Variants in OPCML observed in about 807,000 individuals in gnomAD.
OPCML encodes opioid-binding protein/cell adhesion molecule.
A neutral mutation model predicts 37.8 loss-of-function variants in OPCML; 13 were observed. That is an observed-to-expected ratio of 0.34 (90% CI 0.22 to 0.55). The LOEUF is 0.55. Ranked by LOEUF, OPCML falls within the 20% of genes least tolerant of loss-of-function variation. OPCML has a pLI of 0.91. For missense variants in OPCML, 341 were observed against 435.6 expected, an observed-to-expected ratio of 0.78 and a Z score of 1.93; for synonymous variants, 176 against 168.8, an observed-to-expected ratio of 1.04 and a Z score of -0.33.
chr11:132,931,101 T>C (rs1281235976), intron 2 of OPCML, among the ~76,000 whole-genome samples: 2 of 151,786 alleles, frequency 1.3e-5, no homozygotes, highest in African/African-American at 2.4e-5. Context: ...TTGAAAAAAC[T>C]GGATATTGAC....
intron 1 of OPCML, among the ~76,000 whole-genome samples, chr11:133,461,192 T>C (rs1468734746): frequency 6.6e-6 from 1 of 151,928 alleles, no homozygotes. Context: ...CTTTCACCAC[T>C]TGTGTTCAAA....
At chr11:133,324,358 G>A (rs111696856) in intron 1 of OPCML, among the ~76,000 whole-genome samples, 12 of 152,072 alleles carry the variant, frequency 7.9e-5, no homozygotes, top group Non-Finnish European at 1.6e-4. Flanking sequence ...AAAAATTTTC[G>A]GGATGGCATG....
chr11:133,098,448 C>CTCATG (rs1166449262), intron 1 of OPCML, among the ~76,000 whole-genome samples: 3 of 152,200 alleles, frequency 2.0e-5, no homozygotes, highest in Admixed American at 6.5e-5. Context: ...GTTTCCTGAC[C>CTCATG]TCATGATCCG....
At chr11:132,635,265 T>A (rs1413831038) in intron 3 of OPCML, among the ~76,000 whole-genome samples, 1 of 152,102 alleles carries the variant, frequency 6.6e-6, no homozygotes. Flanking sequence ...ATCCCCCCCA[T>A]TGCAAAATAA....
Position 132,437,306 on chromosome 11 carries a change from G to T in OPCML, c.559C>A (p.Arg187=). Reference sequence around the variant, plus strand: ...CATTCGTACTCCCCGGACTGGTCTCGCTTGATGTCAGAGATCTCCAGGTAC... The same window carrying T: ...CATTCGTACTCCCCGGACTGGTCTCTCTTGATGTCAGAGATCTCCAGGTAC... The part of the protein sequence containing the change: ...DEYLEISDIK[R]DQSGEYECSA... The change falls in exon 5 of 8, where the codon CGA becomes AGA. Residue 187 remains arginine (R), a synonymous_variant. Coordinates refer to ENST00000524381, the MANE Select transcript of OPCML (RefSeq NM_001012393.5). 1 of 1,614,178 alleles carries T rather than the reference G, an allele frequency of 6.2e-7. No homozygotes were observed. Among genetic ancestry groups the T allele is most frequent in the Non-Finnish European group, 8.5e-7 (1 of 1,180,032 alleles).
intron 2 of OPCML, among the ~76,000 whole-genome samples, chr11:132,882,526 T>C (rs1943256840): frequency 6.6e-6 from 1 of 152,176 alleles, no homozygotes; most frequent in South Asian, 2.1e-4. Flanking sequence ...CATTGATATG[T>C]TTTGCATATC....
intron 1 of OPCML, among the ~76,000 whole-genome samples, chr11:133,128,828 T>C (rs1249506572): frequency 2.0e-5 from 3 of 151,996 alleles, no homozygotes; most frequent in Non-Finnish European, 4.4e-5. Context: ...GAAATGCCAG[T>C]CAAAATGAAG....
chr11:133,267,828 C>T (rs906944040), intron 1 of OPCML, among the ~76,000 whole-genome samples: 3 of 152,182 alleles, frequency 2.0e-5, no homozygotes, highest in African/African-American at 7.2e-5. Flanking sequence ...CCTGCACACG[C>T]TCTCTTGCCT....
At chr11:133,081,245 T>G (rs929238850) in intron 1 of OPCML, among the ~76,000 whole-genome samples, 1 of 152,120 alleles carries the variant, frequency 6.6e-6, no homozygotes, top group Non-Finnish European at 1.5e-5. Context: ...TTAGGGCTCT[T>G]TGAACAGTTA....
intron 3 of OPCML, among the ~76,000 whole-genome samples, chr11:132,562,668 G>A (rs1284771245): frequency 6.6e-6 from 1 of 151,874 alleles, no homozygotes; most frequent in African/African-American, 2.4e-5. Flanking sequence ...AGGACTGAGA[G>A]GAAGGAAACC....
rs561282986 is a variant in OPCML, at chr11:133,020,301, G to T, written c.62-77291C>A. Among the ~76,000 whole-genome samples, 5 of 152,298 alleles carry T rather than the reference G, an allele frequency of 3.3e-5. No individual in the cohort carries two copies. The East Asian group carries it at 9.6e-4, about 29-fold the overall frequency. ...CTGGATTGCAATGGATTGCAAGCCC[G>T]CCTCAGCTGGACTGTGCTTCCTTCT... On this transcript the variant is annotated intron_variant, in intron 1 of 7. Transcript: ENST00000524381.
intron 3 of OPCML, among the ~76,000 whole-genome samples, chr11:132,615,067 GAA>G (rs1431787982): frequency 6.6e-6 from 1 of 152,160 alleles, no homozygotes; most frequent in African/African-American, 2.4e-5. Context: ...TTAAAAATGA[GAA>G]AAACAGTCTT....
chr11:132,753,375 G>T (rs906534769), intron 2 of OPCML, among the ~76,000 whole-genome samples: 1 of 152,170 alleles, frequency 6.6e-6, no homozygotes, highest in African/African-American at 2.4e-5. Flanking sequence ...CGAAGTCCAA[G>T]AACAATATAC....
At chr11:133,461,810 C>T (rs951874725) in intron 1 of OPCML, among the ~76,000 whole-genome samples, 1 of 151,768 alleles carries the variant, frequency 6.6e-6, no homozygotes, top group African/African-American at 2.4e-5. Flanking sequence ...ACTCAAGAAA[C>T]CCCAATAGTC....
intron 1 of OPCML, among the ~76,000 whole-genome samples, chr11:133,358,679 G>T (rs1433205930): frequency 6.6e-6 from 1 of 152,206 alleles, no homozygotes; most frequent in Non-Finnish European, 1.5e-5. Context: ...ATTGGGCAGT[G>T]CTAGGGCTCT....
chr11:132,907,779 C>T (rs905365790), intron 2 of OPCML, among the ~76,000 whole-genome samples: 2 of 150,764 alleles, frequency 1.3e-5, no homozygotes, highest in Non-Finnish European at 2.9e-5. Context: ...TCCAAATGCT[C>T]ACTGCACGTT....
rs1379847164 is a variant in OPCML, at chr11:132,611,634, A to G, written c.379+45453T>C. 2.0e-5 allele frequency among the ~76,000 whole-genome samples: 3 copies of G among 152,302 alleles called. No individual in the cohort carries two copies. In the East Asian group the frequency reaches 5.8e-4, roughly 29 times the overall value. ...GAACACAAATGTGTTATATTAATGA[A>G]AGGATAAATTTCCTCAAATTATTTA... On this transcript the variant is annotated intron_variant, in intron 3 of 7. Transcript: ENST00000524381.
chr11:132,875,759 A>G (rs1182367808), intron 2 of OPCML, among the ~76,000 whole-genome samples: 1 of 152,136 alleles, frequency 6.6e-6, no homozygotes, highest in Non-Finnish European at 1.5e-5. Context: ...CACCATGCCC[A>G]GCCTACCCAT....
At chr11:132,745,662 T>C (rs1257767352) in intron 2 of OPCML, among the ~76,000 whole-genome samples, 1 of 151,998 alleles carries the variant, frequency 6.6e-6, no homozygotes, top group Non-Finnish European at 1.5e-5. Flanking sequence ...TTTCTCCATC[T>C]TCCCAACCAC....
Sources: gnomAD v4.1 joint callset for allele counts (sites outside exome capture counted in the v4.1 genomes callset) on GRCh38, gnomAD v4.1.1 for gene constraint, MANE v1.5 for transcripts, NCBI Gene and HGNC (gene_info 2026-07-23, HGNC 2026-07-21) for gene names.